The following CCNY variants were observed in gnomAD, a reference collection of about 807,000 sequenced individuals.
CCNY encodes the protein cyclin-Y.
Under a neutral mutation model 42.8 loss-of-function variants are expected in CCNY, and 19 were observed. The observed-to-expected ratio is 0.44, with a 90% CI of 0.31 to 0.65. The LOEUF (loss-of-function observed/expected upper bound fraction) is 0.65. Ranked by LOEUF, CCNY falls within the 30% of genes least tolerant of loss-of-function variation. CCNY has a pLI of 0.07. For synonymous variants in CCNY, 165 were observed against 162.7 expected (o/e 1.01, Z -0.11); for missense variants, 370 against 437.3 (o/e 0.85, Z 1.37).
intron 8 of CCNY, among the ~76,000 whole-genome samples, chr10:35,562,700 G>C (rs555816499): frequency 6.6e-6 from 1 of 152,122 alleles, no homozygotes; most frequent in African/African-American, 2.4e-5. Flanking sequence ...GTCCCATTTT[G>C]TTTATCCACT....
intron 1 of CCNY, among the ~76,000 whole-genome samples, chr10:35,431,665 G>A (rs889504184): frequency 9.7e-4 from 148 of 151,862 alleles, no homozygotes; most frequent in African/African-American, 3.4e-3. Context: ...GTTTTGATAC[G>A]TGTTCTTCCT....
chr10:35,381,082 T>G (rs2135192764), intron 1 of CCNY, among the ~76,000 whole-genome samples: 1 of 152,292 alleles, frequency 6.6e-6, no homozygotes, highest in Non-Finnish European at 1.5e-5. Flanking sequence ...ATAACAGTAA[T>G]AAAAGCATCC....
At chr10:35,484,136 G>A (rs1452279187) in intron 2 of CCNY, among the ~76,000 whole-genome samples, 1 of 152,108 alleles carries the variant, frequency 6.6e-6, no homozygotes, top group East Asian at 1.9e-4. Context: ...ATCTTCATTG[G>A]ATTCCTATAG....
chr10:35,355,982 G>T lies in CCNY; in HGVS notation c.154+18775G>T, dbSNP rs116787326. Among the ~76,000 whole-genome samples the T allele has an allele frequency of 6.8e-3, 1,037 of 151,912 alleles. 11 individuals carry two copies. Among genetic ancestry groups the T allele is most frequent in the African/African-American group, 0.024 (990 of 41,394 alleles). ...TTTTTGTTCTAAAACTGCCCATTTA[G>T]TGTGTTGATAGGGTTTTGCTTTTGG... On this transcript the variant is annotated intron_variant, in intron 1 of 9. Coordinates refer to ENST00000374704, the MANE Select transcript of CCNY (RefSeq NM_145012.6).
intron 7 of CCNY, among the ~76,000 whole-genome samples, chr10:35,545,371 G>A (rs1841091057): frequency 6.6e-6 from 1 of 152,186 alleles, no homozygotes; most frequent in Non-Finnish European, 1.5e-5. Context: ...CCAGAAGTCC[G>A]AAATCAAGGC....
At chr10:35,335,338 C>CA (rs1469081364), upstream of CCNY, among the ~76,000 whole-genome samples, 1 of 151,944 alleles carries the variant, frequency 6.6e-6, no homozygotes, top group Admixed American at 6.6e-5. Context: ...AAAAGCAAAG[C>CA]AAAGCAAAGC....
chr10:35,247,875 C>CAAAAAAAAAAAAA (rs56166117), intron 1 of CCNY, among the ~76,000 whole-genome samples: 3 of 58,180 alleles, frequency 5.2e-5, no homozygotes, highest in Non-Finnish European at 7.6e-5. Flanking sequence ...GACTCCATCT[C>CAAAAAAAAAAAAA]AAAAAAAAAA....
chr10:35,285,724 G>T (rs1435095402), intron 3 of CCNY, among the ~76,000 whole-genome samples: 1 of 152,176 alleles, frequency 6.6e-6, no homozygotes, highest in Non-Finnish European at 1.5e-5. Context: ...GAGCCACCAC[G>T]CCTGGCCAGT....
intron 3 of CCNY, among the ~76,000 whole-genome samples, chr10:35,265,057 G>C (rs575855458): frequency 8.5e-5 from 13 of 152,150 alleles, no homozygotes; most frequent in South Asian, 4.1e-4. Context: ...CATTCTGTAG[G>C]TTATCTCTTC....
intron 2 of CCNY, among the ~76,000 whole-genome samples, chr10:35,249,403 T>C (rs2095710282): frequency 1.3e-5 from 2 of 152,046 alleles, no homozygotes; most frequent in African/African-American, 4.8e-5. Context: ...TTACAGAAAA[T>C]CCCTAAATGG....
intron 1 of CCNY, among the ~76,000 whole-genome samples, chr10:35,436,096 G>A (rs61843289): frequency 2.0e-5 from 3 of 152,128 alleles, no homozygotes; most frequent in African/African-American, 7.2e-5. Flanking sequence ...GGGCAGGGGT[G>A]GGGCAGCAGC....
At chr10:35,482,437 A>AGTTTTTT (rs941515652) in intron 1 of CCNY, among the ~76,000 whole-genome samples, 1 of 152,226 alleles carries the variant, frequency 6.6e-6, no homozygotes, top group South Asian at 2.1e-4. Flanking sequence ...CTATGGAATC[A>AGTTTTTT]GTTTTTTGTT....
chr10:35,258,340 C>A (rs2095717029), intron 3 of CCNY, among the ~76,000 whole-genome samples: 1 of 152,172 alleles, frequency 6.6e-6, no homozygotes, highest in Non-Finnish European at 1.5e-5. Context: ...TTTCCCTGGG[C>A]AGGTGTGAGT....
chr10:35,396,402 C>T (rs542334505), intron 1 of CCNY, among the ~76,000 whole-genome samples: 37 of 152,280 alleles, frequency 2.4e-4, no homozygotes, highest in Admixed American at 6.5e-4. Flanking sequence ...AGGCAGGTGC[C>T]GCAAGAAGGT....
intron 1 of CCNY, among the ~76,000 whole-genome samples, chr10:35,425,537 A>G (rs1034459141): frequency 2.0e-5 from 3 of 152,224 alleles, no homozygotes; most frequent in African/African-American, 7.2e-5. Flanking sequence ...GATGTTATAT[A>G]TGGCTTAAAA....
rs1195784669 is a variant in CCNY at position 35,272,596 on chromosome 10, G to T, written c.-9+21970G>T. 2.0e-5 allele frequency among the ~76,000 whole-genome samples: 3 copies of T among 152,196 alleles called. No homozygotes were observed. The East Asian group carries it at 5.8e-4, about 29-fold the overall frequency. On this transcript the variant is annotated intron_variant, in intron 3 of 11. Transcript: ENST00000374706. ...GTATCTGTGTTCCTGCAAAGGACAT[G>T]ATGTTGTTCTTTTTTATGGCTGCAT...
chr10:35,453,530 A>G (rs1019211875), intron 1 of CCNY, among the ~76,000 whole-genome samples: 4 of 152,244 alleles, frequency 2.6e-5, no homozygotes, highest in African/African-American at 9.6e-5. Context: ...TAATGACTCA[A>G]AAGTTTTGGG....
At chr10:35,258,641 A>G (rs760207652) in intron 3 of CCNY, among the ~76,000 whole-genome samples, 7 of 152,194 alleles carry the variant, frequency 4.6e-5, no homozygotes, top group Non-Finnish European at 8.8e-5. Flanking sequence ...AGTTGGTTCA[A>G]TCTGCCTTAG....
At chr10:35,332,505 A>T (rs191370639), upstream of CCNY, 1 of 152,220 alleles carries the variant, frequency 6.6e-6, no homozygotes, top group Non-Finnish European at 1.5e-5. Context: ...AATATTGCTT[A>T]TGTTTTAAAT....
Sources: allele counts gnomAD v4.1 joint callset (sites outside exome capture counted in the v4.1 genomes callset), GRCh38; gene constraint gnomAD v4.1.1; transcripts MANE v1.5; gene names NCBI Gene and HGNC (gene_info 2026-07-23, HGNC 2026-07-21).